PLAGL1: variants seen among roughly 807,000 people sequenced by gnomAD.
The protein encoded by PLAGL1 is PLAG1 like zinc finger 1.
A neutral mutation model predicts 4.6 loss-of-function variants in PLAGL1; 1 was observed. The observed-to-expected ratio is 0.22, with a 90% CI of 0.08 to 1.03. The LOEUF (loss-of-function observed/expected upper bound fraction) is 1.03. Among genes scored for constraint, PLAGL1 ranks in the 50% least tolerant of loss-of-function variants. The pLI is 0.58. For synonymous variants in PLAGL1, 240 were observed against 237.8 expected, an observed-to-expected ratio of 1.01 and a Z score of -0.08; for missense variants, 464 against 570.4, an observed-to-expected ratio of 0.81 and a Z score of 1.90.
rs35662431 is a variant in PLAGL1, at chr6:143,952,471, T to TGAGC, written c.-324-4012_-324-4011insGCTC. Among the ~76,000 whole-genome samples the TGAGC allele has an allele frequency of 6.8e-5, 1 of 14,696 alleles. No individual in the cohort carries two copies. Among genetic ancestry groups the TGAGC allele is most frequent in the African/African-American group, 2.9e-3 (1 of 350 alleles). The allele number at this position is 14,696 out of a possible 152,430, so 9.6% of individuals were successfully genotyped here. ...TCAGTCCCCTTGATTCTAAAAATAC[T>TGAGC]GAGTGATACAGATCTGCCAGTATGC... On this transcript the variant is annotated intron_variant, in intron 6 of 7. Transcript: ENST00000674357. The surrounding 1 kb of genome is among the most constrained non-coding windows in gnomAD (Gnocchi z 6.1).
chr6:143,944,800 T>G (rs1779408940), intron 7 of PLAGL1, among the ~76,000 whole-genome samples: 1 of 146,248 alleles, frequency 6.8e-6, no homozygotes, highest in Non-Finnish European at 1.5e-5. Flanking sequence ...TTTTTTTTTC[T>G]GGCCCAGTAC....
At chr6:144,045,067 CT>C (rs902226495) in intron 1 of PLAGL1, among the ~76,000 whole-genome samples, 2 of 107,016 alleles carry the variant, frequency 1.9e-5, no homozygotes, top group African/African-American at 7.3e-5. Context: ...TATTTTGAGC[CT>C]ATGTGTGTCT....
intron 1 of PLAGL1, among the ~76,000 whole-genome samples, chr6:144,044,286 A>G (rs549306995): frequency 9.2e-4 from 140 of 152,174 alleles, no homozygotes; most frequent in African/African-American, 3.2e-3. Context: ...TCAATTTTAG[A>G]TCTTTCCTGC....
rs1799583812 is a variant in PLAGL1, at chr6:144,063,395, T to A, written c.-151+1073A>T. On this transcript the variant is annotated intron_variant, in intron 1 of 3. Coordinates refer to the PLAGL1 transcript ENST00000437412. The surrounding 1 kb of genome is among the most constrained non-coding windows in gnomAD (Gnocchi z 5.7). ...CCAGCCATATCCCCGGGGCAGCTTT[T>A]ACAAAAAGTCTCACGCCAGGGCTTT... is the stretch of plus-strand genomic sequence containing the variant. 6.6e-6 allele frequency among the ~76,000 whole-genome samples: 1 copy of A among 152,142 alleles called. No individual in the cohort carries two copies. The highest frequency in any genetic ancestry group is 1.5e-5 in the Non-Finnish European group (1 of 68,030).
At chr6:143,967,359 C>T (rs901741259) in intron 3 of PLAGL1, 2 of 151,666 alleles carry the variant, frequency 1.3e-5, no homozygotes, top group Non-Finnish European at 2.9e-5. Flanking sequence ...TGAATAACTT[C>T]TTTTGGAGTA....
rs2128614572 is a variant in PLAGL1 at position 143,984,598 on chromosome 6, T to C, written c.-544+537A>G. Among the ~76,000 whole-genome samples, 1 of 152,222 alleles carries C rather than the reference T, an allele frequency of 6.6e-6. No individual in the cohort carries two copies. Among genetic ancestry groups the C allele is most frequent in the East Asian group, 1.9e-4 (1 of 5,186 alleles). On this transcript the variant is annotated intron_variant, in intron 2 of 7. Coordinates refer to ENST00000674357, the MANE Select transcript of PLAGL1 (RefSeq NM_001317162.2). The surrounding 1 kb of genome is among the most constrained non-coding windows in gnomAD (Gnocchi z 5.5). ...CTAGAACAAGATTCAAGATACAGAC[T>C]TAGAATCTGTCAGAGAATGCAAATC...
chr6:144,027,282 A>AGAAG lies in PLAGL1; in HGVS notation c.-151+37185_-151+37186insCTTC, dbSNP rs1245434279. Among the ~76,000 whole-genome samples, 2 of 148,230 alleles carry AGAAG rather than the reference A, an allele frequency of 1.3e-5. No individual in the cohort carries two copies. Among genetic ancestry groups the AGAAG allele is most frequent in the Non-Finnish European group, 3.0e-5 (2 of 66,882 alleles). On this transcript the variant is annotated intron_variant, in intron 1 of 3. Transcript: ENST00000437412. This position sits in a 1 kb window ranked among gnomAD's most constrained non-coding sequence, Gnocchi z 5.8. ...AAGAAAGAAAGAAAGAAAGAAAGAA[A>AGAAG]GAAAGAAAGAAAGTTATTTGATCTG...
intron 6 of PLAGL1, among the ~76,000 whole-genome samples, chr6:143,956,319 GC>G (rs1029424907): frequency 6.6e-6 from 1 of 152,196 alleles, no homozygotes; most frequent in African/African-American, 2.4e-5. Context: ...CTGCACTGTA[GC>G]CCGGATGGAA....
intron 7 of PLAGL1, among the ~76,000 whole-genome samples, chr6:143,944,979 G>C (rs1282549563): frequency 6.6e-6 from 1 of 152,068 alleles, no homozygotes; most frequent in East Asian, 1.9e-4. Context: ...TCCTACACCT[G>C]TACTACCTGT....
At chr6:144,045,855 A>G (rs958198101) in intron 1 of PLAGL1, among the ~76,000 whole-genome samples, 4 of 152,108 alleles carry the variant, frequency 2.6e-5, no homozygotes, top group African/African-American at 9.7e-5. Context: ...CTTTTCACAT[A>G]GTCCCATATT....
chr6:144,057,776 A>ATTTT (rs60234022), intron 1 of PLAGL1, among the ~76,000 whole-genome samples: 2 of 137,218 alleles, frequency 1.5e-5, no homozygotes, highest in African/African-American at 5.4e-5. Flanking sequence ...ACGCCTCACC[A>ATTTT]TTTTTTTTTT....
Position 143,941,174 on chromosome 6 carries a change from T to C in PLAGL1, c.*250A>G. On this transcript the variant is annotated 3_prime_UTR_variant, in exon 8 of 8. Transcript: ENST00000674357. This position sits in a 1 kb window ranked among gnomAD's most constrained non-coding sequence, Gnocchi z 6.0. ...TATATAGCAGCCGTCATTTTGGATG[T>C]TGGTTATGACAATATTTGCAGTTTG... is the stretch of plus-strand genomic sequence containing the variant. 3.0e-6 allele frequency: 1 copy of C among 337,318 alleles called. No homozygotes were observed. Among genetic ancestry groups the C allele is most frequent in the Non-Finnish European group, 5.4e-6 (1 of 186,404 alleles). 20.9% of individuals were successfully genotyped at this position (337,318 alleles called of 1,614,324 possible).
rs1021997674 is a variant in PLAGL1, at chr6:143,945,811, G to T, written c.152+2174C>A. ...CATCCTGCCATCTCACACTCTTCCA[G>T]TCCTTTACTATATCACTGCTTCAGG... is the stretch of plus-strand genomic sequence containing the variant. On this transcript the variant is annotated intron_variant, in intron 7 of 7. Coordinates refer to ENST00000674357, the MANE Select transcript of PLAGL1 (RefSeq NM_001317162.2). This position sits in a 1 kb window ranked among gnomAD's most constrained non-coding sequence, Gnocchi z 4.2. Among the ~76,000 whole-genome samples the T allele has an allele frequency of 1.3e-5, 2 of 152,074 alleles. No homozygotes were observed. The highest frequency in any genetic ancestry group is 2.4e-5 in the African/African-American group (1 of 41,408).
intron 1 of PLAGL1, among the ~76,000 whole-genome samples, chr6:144,041,436 G>C (rs1249879275): frequency 1.3e-5 from 2 of 151,778 alleles, no homozygotes. Flanking sequence ...TGCGGTGTTT[G>C]GTTTTTTGTC....
intron 1 of PLAGL1, among the ~76,000 whole-genome samples, chr6:144,042,862 T>C (rs1797845409): frequency 6.6e-6 from 1 of 152,240 alleles, no homozygotes; most frequent in Admixed American, 6.5e-5. Flanking sequence ...AGCAGTGGTT[T>C]ATAGTTCTCC....
chr6:144,015,453 C>G lies in PLAGL1; in HGVS notation c.-150-46475G>C, dbSNP rs545060346. Among the ~76,000 whole-genome samples, 3 of 152,180 alleles carry G rather than the reference C, an allele frequency of 2.0e-5. No homozygotes were observed. Among genetic ancestry groups the G allele is most frequent in the African/African-American group, 7.2e-5 (3 of 41,516 alleles). ...CAATTGGATTTTACTAAAATAAAACCTGATCTTTAAAAGAGACCATTAAGG... is the reference window on the plus strand; with the variant it reads ...CAATTGGATTTTACTAAAATAAAACGTGATCTTTAAAAGAGACCATTAAGG... On this transcript the variant is annotated intron_variant, in intron 1 of 3. Coordinates refer to the PLAGL1 transcript ENST00000437412. This position sits in a 1 kb window ranked among gnomAD's most constrained non-coding sequence, Gnocchi z 4.3.
intron 1 of PLAGL1, chr6:144,007,290 G>C (rs2128677642): frequency 6.6e-6 from 1 of 152,260 alleles, no homozygotes; most frequent in East Asian, 1.9e-4. Context: ...TACGCGGAGG[G>C]GCTGCGGGGG....
chr6:143,944,607 G>A (rs1475552594), intron 7 of PLAGL1, among the ~76,000 whole-genome samples: 1 of 152,050 alleles, frequency 6.6e-6, no homozygotes, highest in Non-Finnish European at 1.5e-5. Flanking sequence ...AGATTGTGCT[G>A]GTGTTTCCAC....
intron 1 of PLAGL1, among the ~76,000 whole-genome samples, chr6:144,026,808 A>G (rs1210853923): frequency 6.6e-6 from 1 of 152,244 alleles, no homozygotes; most frequent in East Asian, 1.9e-4. Flanking sequence ...GGCAAAGCAG[A>G]TAGGAACATT....
Sources: allele counts gnomAD v4.1 joint callset (sites outside exome capture counted in the v4.1 genomes callset), GRCh38; gene constraint gnomAD v4.1.1; non-coding constraint Gnocchi (gnomAD v3.1); transcripts MANE v1.5; gene names NCBI Gene and HGNC (gene_info 2026-07-23, HGNC 2026-07-21).